UMAD1: variants seen among roughly 807,000 people sequenced by gnomAD.
UMAD1 encodes the protein UBAP1-MVB12-associated (UMA)-domain containing protein 1.
Under a neutral mutation model 6.1 loss-of-function variants are expected in UMAD1, and 8 were observed. That is an observed-to-expected ratio of 1.30 (90% CI 0.76 to 2.35). The LOEUF (loss-of-function observed/expected upper bound fraction) is 2.35. Ranked by LOEUF, UMAD1 falls within the 30% of genes most tolerant of loss-of-function variation. UMAD1 has a pLI of 0.00. For synonymous variants in UMAD1, 56 were observed against 31.4 expected (o/e 1.78, Z -2.61); for missense variants, 130 against 78.4 (o/e 1.66, Z -2.49).
intron 2 of UMAD1, among the ~76,000 whole-genome samples, chr7:7,748,077 C>T (rs1301470467): frequency 3.3e-5 from 5 of 151,012 alleles, no homozygotes; most frequent in Admixed American, 3.3e-4. Context: ...GCTGGGACTA[C>T]AGGGGCCTGC....
chr7:7,737,825 C>A (rs1010099347), intron 2 of UMAD1, among the ~76,000 whole-genome samples: 16 of 152,180 alleles, frequency 1.1e-4, no homozygotes, highest in African/African-American at 2.9e-4. Flanking sequence ...GGGCAGACAG[C>A]ATAATCTATG....
At chr7:7,831,544 G>A (rs1318557221) in intron 3 of UMAD1, among the ~76,000 whole-genome samples, 1 of 152,100 alleles carries the variant, frequency 6.6e-6, no homozygotes, top group African/African-American at 2.4e-5. Context: ...TTAGTTTTGT[G>A]TTGTTTTTAG....
intron 1 of UMAD1, among the ~76,000 whole-genome samples, chr7:7,659,224 T>C (rs1235476254): frequency 6.6e-6 from 1 of 152,188 alleles, no homozygotes; most frequent in Admixed American, 6.5e-5. Flanking sequence ...GCTAGCAGTC[T>C]TTTTATTTTG....
chr7:7,654,133 G>A (rs1421230824), intron 1 of UMAD1, among the ~76,000 whole-genome samples: 1 of 152,140 alleles, frequency 6.6e-6, no homozygotes, highest in Non-Finnish European at 1.5e-5. Context: ...GGACCATAGG[G>A]CATTCAATTA....
intron 2 of UMAD1, among the ~76,000 whole-genome samples, chr7:7,683,315 A>G (rs1337142120): frequency 6.6e-6 from 1 of 152,128 alleles, no homozygotes; most frequent in Non-Finnish European, 1.5e-5. Context: ...AGGTCCTGGG[A>G]TTAGGCCCAG....
chr7:7,832,892 G>C (rs914467204), intron 3 of UMAD1, among the ~76,000 whole-genome samples: 1 of 152,158 alleles, frequency 6.6e-6, no homozygotes, highest in African/African-American at 2.4e-5. Flanking sequence ...TTGCATTTGA[G>C]ATAGGACCTA....
At chr7:7,669,272 C>G (rs746796372) in intron 1 of UMAD1, among the ~76,000 whole-genome samples, 1 of 152,112 alleles carries the variant, frequency 6.6e-6, no homozygotes, top group Non-Finnish European at 1.5e-5. Context: ...GATATAGGGT[C>G]TGACACACTG....
At position 7,731,199 on chromosome 7, in the gene UMAD1, A is replaced by G. The variant is rs185836984; in HGVS notation, c.82+57746A>G. Reference sequence around the variant, plus strand: ...TTTTCAGTAGAGAGGGGGGGGTTCCACCATGTTGGCCAGGATGGTTTTGAT... The same window carrying G: ...TTTTCAGTAGAGAGGGGGGGGTTCCGCCATGTTGGCCAGGATGGTTTTGAT... On this transcript the variant is annotated intron_variant, in intron 2 of 3. Coordinates refer to ENST00000682710, the MANE Select transcript of UMAD1 (RefSeq NM_001302348.2). Among the ~76,000 whole-genome samples, 981 of 152,130 alleles carry G rather than the reference A, an allele frequency of 6.4e-3. 19 individuals are homozygous for G. Among genetic ancestry groups the G allele is most frequent in the African/African-American group, 0.023 (945 of 41,476 alleles).
At chr7:7,713,861 C>T (rs949659181) in intron 2 of UMAD1, among the ~76,000 whole-genome samples, 5 of 152,124 alleles carry the variant, frequency 3.3e-5, no homozygotes, top group African/African-American at 1.2e-4. Context: ...GGCAGGGTCT[C>T]ACTCTGTCAC....
intron 2 of UMAD1, among the ~76,000 whole-genome samples, chr7:7,774,247 T>C (rs1782157102): frequency 6.6e-6 from 1 of 152,112 alleles, no homozygotes; most frequent in Non-Finnish European, 1.5e-5. Context: ...TGGGGTGGAT[T>C]AGAAAGGTAG....
intron 2 of UMAD1, among the ~76,000 whole-genome samples, chr7:7,673,704 TCC>T (rs68160237): frequency 0.056 from 8,470 of 150,048 alleles, 312 homozygotes; most frequent in Middle Eastern, 0.13. Context: ...CACTTCTTTT[TCC>T]CCCCCTTTTT....
chr7:7,808,535 T>C (rs767939645), intron 3 of UMAD1, among the ~76,000 whole-genome samples: 1 of 152,068 alleles, frequency 6.6e-6, no homozygotes, highest in African/African-American at 2.4e-5. Context: ...ATGTTAGTTT[T>C]AGTTTTTAAT....
At position 7,817,586 on chromosome 7, in the gene UMAD1, C is replaced by G. The variant is rs187924004; in HGVS notation, c.156+15843C>G. Reference sequence around the variant, plus strand: ...GTTATGTTTAATAATTCCCATGATACCAGCTGAATGATGATTCTAATTCTC... The same window carrying G: ...GTTATGTTTAATAATTCCCATGATAGCAGCTGAATGATGATTCTAATTCTC... On this transcript the variant is annotated intron_variant, in intron 3 of 3. Transcript: ENST00000682710. 9.5e-4 allele frequency among the ~76,000 whole-genome samples: 145 copies of G among 152,228 alleles called. 1 individual carries two copies. The highest frequency in any genetic ancestry group is 3.5e-3 in the African/African-American group (144 of 41,536).
At chr7:7,864,122 T>C (rs1485648355) in intron 3 of UMAD1, among the ~76,000 whole-genome samples, 1 of 152,194 alleles carries the variant, frequency 6.6e-6, no homozygotes, top group African/African-American at 2.4e-5. Flanking sequence ...CAGTAAACCC[T>C]CTATTGACAT....
At chr7:7,710,373 A>T (rs1780724514) in intron 2 of UMAD1, among the ~76,000 whole-genome samples, 2 of 152,210 alleles carry the variant, frequency 1.3e-5, no homozygotes, top group South Asian at 4.1e-4. Context: ...AACAAAAAAC[A>T]AAAAAACATA....
rs560072916 is a variant in UMAD1 at position 7,732,216 on chromosome 7, C to T, written c.82+58763C>T. 3.3e-4 allele frequency among the ~76,000 whole-genome samples: 50 copies of T among 151,954 alleles called. No homozygotes were observed. The South Asian group carries it at 1.0e-2, about 30-fold the overall frequency. Reference sequence around the variant, plus strand: ...AGCCAACTGATATGTTTTTGTTAAACGTAAAAGAGTAGATCCTCCCATGAA... The same window carrying T: ...AGCCAACTGATATGTTTTTGTTAAATGTAAAAGAGTAGATCCTCCCATGAA... On this transcript the variant is annotated intron_variant, in intron 2 of 3. Coordinates refer to ENST00000682710, the MANE Select transcript of UMAD1 (RefSeq NM_001302348.2).
chr7:7,720,573 A>C lies in UMAD1; in HGVS notation c.82+47120A>C, dbSNP rs1383871639. On this transcript the variant is annotated intron_variant, in intron 2 of 3. Coordinates refer to ENST00000682710, the MANE Select transcript of UMAD1 (RefSeq NM_001302348.2). ...CTTCCTAATTGCCAAACAAAAGAAA[A>C]ATTTTCACTGTCATCAAAAGAAATA... Among the ~76,000 whole-genome samples the C allele has an allele frequency of 2.0e-5, 3 of 152,204 alleles. No homozygotes were observed. The East Asian group carries it at 5.8e-4, about 29-fold the overall frequency.
chr7:7,676,766 T>C (rs1779751568), intron 2 of UMAD1, among the ~76,000 whole-genome samples: 1 of 152,166 alleles, frequency 6.6e-6, no homozygotes, highest in Non-Finnish European at 1.5e-5. Flanking sequence ...TTGGTATATA[T>C]GGTTTAATTA....
intron 2 of UMAD1, among the ~76,000 whole-genome samples, chr7:7,760,281 C>T (rs1781859277): frequency 1.3e-5 from 2 of 152,002 alleles, no homozygotes; most frequent in South Asian, 4.1e-4. Flanking sequence ...TCTAACATCA[C>T]TACACAGAAC....
Sources: allele counts gnomAD v4.1 joint callset (sites outside exome capture counted in the v4.1 genomes callset), GRCh38; gene constraint gnomAD v4.1.1; transcripts MANE v1.5; gene names NCBI Gene and HGNC (gene_info 2026-07-23, HGNC 2026-07-21).